The following SMYD3 variants were observed in gnomAD, a reference collection of about 807,000 sequenced individuals.
The protein encoded by SMYD3 is histone-lysine N-methyltransferase SMYD3.
SMYD3 carries 36 observed loss-of-function variants against 57.7 expected under a neutral mutation model. The observed-to-expected ratio is 0.62, with a 90% confidence interval of 0.48 to 0.82. SMYD3 has a LOEUF of 0.82. SMYD3 is among the 40% of genes least tolerant of loss of function. SMYD3 has a pLI of 0.00. For missense variants in SMYD3, 515 were observed against 538.8 expected, an observed-to-expected ratio of 0.96 and a Z score of 0.44; for synonymous variants, 211 against 195.0, an observed-to-expected ratio of 1.08 and a Z score of -0.68.
intron 3 of SMYD3, among the ~76,000 whole-genome samples, chr1:246,332,531 T>C (rs1451001475): frequency 2.6e-5 from 4 of 152,214 alleles, no homozygotes; most frequent in Non-Finnish European, 5.9e-5. Context: ...GGTGGCCAGG[T>C]GCGGTGGCTT....
rs1407286006 is a variant in SMYD3, at chr1:246,202,326, C to T, written c.531+124875G>A. 6.6e-6 allele frequency among the ~76,000 whole-genome samples: 1 copy of T among 152,148 alleles called. No homozygotes were observed. Among genetic ancestry groups the T allele is most frequent in the Non-Finnish European group, 1.5e-5 (1 of 68,038 alleles). ...GAACACATTTGATCCTTTCTCATTT[C>T]TACATGACCACCTTTACATTTTTCA... On this transcript the variant is annotated intron_variant, in intron 5 of 11. Coordinates refer to ENST00000490107, the MANE Select transcript of SMYD3 (RefSeq NM_001167740.2). The surrounding 1 kb of genome is among the most constrained non-coding windows in gnomAD (Gnocchi z 4.1).
intron 5 of SMYD3, among the ~76,000 whole-genome samples, chr1:246,164,146 G>A (rs2062165149): frequency 6.6e-6 from 1 of 152,168 alleles, no homozygotes. Flanking sequence ...TCCCAGGTGA[G>A]AGAAAACGAG....
intron 5 of SMYD3, among the ~76,000 whole-genome samples, chr1:246,075,827 G>T (rs2060536004): frequency 6.6e-6 from 1 of 151,604 alleles, no homozygotes; most frequent in South Asian, 2.1e-4. Context: ...TAAGACTGAG[G>T]AGTTCATATT....
At chr1:245,946,252 G>T (rs2057424918) in intron 5 of SMYD3, among the ~76,000 whole-genome samples, 1 of 152,176 alleles carries the variant, frequency 6.6e-6, no homozygotes, top group South Asian at 2.1e-4. Flanking sequence ...AATCTGAACA[G>T]GAGAGGAGAG....
intron 5 of SMYD3, among the ~76,000 whole-genome samples, chr1:246,273,164 G>A (rs115436028): frequency 8.4e-5 from 7 of 82,992 alleles, no homozygotes; most frequent in African/African-American, 1.3e-4. Context: ...TTTTTTTTGG[G>A]GGGGGGACAG....
At chr1:246,242,926 A>G (rs868550071) in intron 5 of SMYD3, among the ~76,000 whole-genome samples, 13 of 152,212 alleles carry the variant, frequency 8.5e-5, no homozygotes, top group African/African-American at 2.9e-4. Flanking sequence ...ATATGCACCC[A>G]ATACAGAAGC....
chr1:246,033,741 C>T (rs1170081762), intron 5 of SMYD3, among the ~76,000 whole-genome samples: 1 of 152,158 alleles, frequency 6.6e-6, no homozygotes, highest in Non-Finnish European at 1.5e-5. Flanking sequence ...GAGCCAAGAT[C>T]ACGCTACCGC....
At chr1:245,856,886 A>AC (rs1039599602) in intron 10 of SMYD3, among the ~76,000 whole-genome samples, 2 of 152,212 alleles carry the variant, frequency 1.3e-5, no homozygotes, top group African/African-American at 4.8e-5. Flanking sequence ...TTATCCACTC[A>AC]CCCAGAGGCT....
chr1:246,391,442 A>AGGGAAAAAGGAGAGGG (rs2066570698), intron 1 of SMYD3, among the ~76,000 whole-genome samples: 1 of 137,242 alleles, frequency 7.3e-6, no homozygotes, highest in East Asian at 2.3e-4. Flanking sequence ...GAGAGAGAGA[A>AGGGAAAAAGGAGAGGG]GGAGAGAGGG....
chr1:245,812,700 C>CAAAAAAAAAAAAAA (rs201426225), intron 10 of SMYD3, among the ~76,000 whole-genome samples: 30 of 46,588 alleles, frequency 6.4e-4, no homozygotes, highest in Middle Eastern at 0.016. Context: ...AACAACAGTT[C>CAAAAAAAAAAAAAA]CAAAAAAAAA....
chr1:246,188,853 C>T (rs756811767), intron 5 of SMYD3, among the ~76,000 whole-genome samples: 13 of 151,418 alleles, frequency 8.6e-5, no homozygotes, highest in South Asian at 2.1e-4. Flanking sequence ...CCCAGCTACT[C>T]GGGAGGCTAG....
At chr1:246,020,708 C>T (rs1439231259) in intron 5 of SMYD3, among the ~76,000 whole-genome samples, 1 of 152,130 alleles carries the variant, frequency 6.6e-6, no homozygotes, top group Non-Finnish European at 1.5e-5. Context: ...AGATACTCAT[C>T]ATAATAATCA....
At chr1:246,351,657 T>A (rs2065826090) in intron 2 of SMYD3, among the ~76,000 whole-genome samples, 1 of 152,224 alleles carries the variant, frequency 6.6e-6, no homozygotes, top group Admixed American at 6.5e-5. Context: ...ACGCTATATA[T>A]GATGCATAAA....
intron 11 of SMYD3, among the ~76,000 whole-genome samples, chr1:245,760,968 C>G (rs1009028155): frequency 6.6e-6 from 1 of 152,096 alleles, no homozygotes; most frequent in Non-Finnish European, 1.5e-5. Context: ...TATCAGCTTC[C>G]TTTTACAAAT....
chr1:246,263,747 T>C (rs1010776128), intron 5 of SMYD3, among the ~76,000 whole-genome samples: 3 of 152,194 alleles, frequency 2.0e-5, no homozygotes, highest in Admixed American at 6.5e-5. Flanking sequence ...ATAATACCAA[T>C]TCCTTCCAAA....
intron 5 of SMYD3, among the ~76,000 whole-genome samples, chr1:246,248,855 A>G (rs2063754951): frequency 1.7e-5 from 2 of 120,588 alleles, no homozygotes; most frequent in Non-Finnish European, 3.2e-5. Flanking sequence ...ATGGGGTTTC[A>G]TCGTGTTAGC....
intron 1 of SMYD3, among the ~76,000 whole-genome samples, chr1:246,495,644 C>G (rs374209400): frequency 2.1e-4 from 32 of 152,100 alleles, no homozygotes; most frequent in East Asian, 9.7e-4. Context: ...TTACATATTA[C>G]AAATATACAC....
intron 1 of SMYD3, among the ~76,000 whole-genome samples, chr1:246,431,165 T>C (rs1014408614): frequency 4.6e-5 from 7 of 151,720 alleles, no homozygotes; most frequent in African/African-American, 1.7e-4. Flanking sequence ...GGAAGAAAAA[T>C]AGTATCTACA....
chr1:245,873,209 C>T (rs932336112), intron 8 of SMYD3, among the ~76,000 whole-genome samples: 4 of 152,226 alleles, frequency 2.6e-5, no homozygotes, highest in Admixed American at 2.6e-4. Flanking sequence ...CACTTGCTTG[C>T]ACCCTCCCCC....
Sources: gnomAD v4.1 joint callset for allele counts (sites outside exome capture counted in the v4.1 genomes callset) on GRCh38, gnomAD v4.1.1 for gene constraint, Gnocchi (gnomAD v3.1) non-coding constraint, MANE v1.5 for transcripts, NCBI Gene and HGNC (gene_info 2026-07-23, HGNC 2026-07-21) for gene names.